Variants in PLCH2 observed in about 807,000 individuals in gnomAD.
PLCH2 encodes 1-phosphatidylinositol 4,5-bisphosphate phosphodiesterase eta-2.
In PLCH2, 98 loss-of-function variants were observed where a neutral mutation model predicts 134.7. The ratio of observed to expected loss-of-function variants is 0.73; its 90% CI spans 0.62 to 0.86. The LOEUF is 0.86. PLCH2 is among the 40% of genes least tolerant of loss of function. The probability of loss-of-function intolerance (pLI) is 0.00; values close to 1 mark genes in which losing one functional copy is unlikely to be tolerated. For missense variants in PLCH2, 1,994 were observed against 1,986.6 expected, an observed-to-expected ratio of 1.00 and a Z score of -0.07; for synonymous variants, 974 against 827.5, an observed-to-expected ratio of 1.18 and a Z score of -3.04.
chr1:2,423,294 C>T (rs1453152298), upstream of PLCH2, among the ~76,000 whole-genome samples: 1 of 152,090 alleles, frequency 6.6e-6, no homozygotes, highest in African/African-American at 2.4e-5. Flanking sequence ...CTGAAGCAAT[C>T]CTCCTGCCTC....
chr1:2,466,942 G>A (rs1023633349), upstream of PLCH2, among the ~76,000 whole-genome samples: 10 of 152,134 alleles, frequency 6.6e-5, no homozygotes, highest in Non-Finnish European at 1.3e-4. Context: ...GCTGGAACTC[G>A]GCCTCCCCCA....
At chr1:2,419,998 C>T in the PLCH2 span, among the ~76,000 whole-genome samples, 1 of 145,096 alleles carries the variant, frequency 6.9e-6, no homozygotes, top group African/African-American at 2.5e-5. Context: ...TTTGTGCGCT[C>T]CCCCCACTAC....
chr1:2,428,200 G>A (rs999249775), intron 1 of PLCH2, among the ~76,000 whole-genome samples: 7 of 152,248 alleles, frequency 4.6e-5, no homozygotes, highest in Admixed American at 2.0e-4. Flanking sequence ...GGTCTGAGCA[G>A]AGGCTGAAGG....
chr1:2,423,405 C>T (rs1331989888), upstream of PLCH2, among the ~76,000 whole-genome samples: 1 of 152,166 alleles, frequency 6.6e-6, no homozygotes, highest in East Asian at 1.9e-4. Context: ...GTTCTTGTTA[C>T]AAGGCCACCA....
chr1:2,502,480 C>CG, intron 21 of PLCH2, 71 bp downstream of exon 21: 1 of 1,438,450 alleles, frequency 7.0e-7, no homozygotes, highest in Non-Finnish European at 9.5e-7. Flanking sequence ...TGGACGGCCC[C>CG]GGGCCTGCTG....
chr1:2,447,514 G>C (rs1009256456), intron 2 of PLCH2, among the ~76,000 whole-genome samples: 1 of 152,218 alleles, frequency 6.6e-6, no homozygotes, highest in Non-Finnish European at 1.5e-5. Flanking sequence ...ACCAGGGGAG[G>C]CCCCGTGTTG....
At chr1:2,435,664 C>A (rs1363002314) in intron 2 of PLCH2, among the ~76,000 whole-genome samples, 1 of 152,016 alleles carries the variant, frequency 6.6e-6, no homozygotes, top group Non-Finnish European at 1.5e-5. Context: ...GCACGCCTGG[C>A]CTGTTGTGAT....
chr1:2,496,310 C>T (rs767534555), intron 13 of PLCH2, among the ~76,000 whole-genome samples: 2 of 152,226 alleles, frequency 1.3e-5, no homozygotes, highest in Non-Finnish European at 2.9e-5. Context: ...GCCCAGCTCT[C>T]CCCTGCTCAG....
chr1:2,415,945 A>G, the PLCH2 span, among the ~76,000 whole-genome samples: 1 of 152,036 alleles, frequency 6.6e-6, no homozygotes, highest in African/African-American at 2.4e-5. Context: ...CCTCCGCTAA[A>G]CCCAGTTCCG....
chr1:2,450,401 C>T (rs979767002), intron 2 of PLCH2, among the ~76,000 whole-genome samples: 11 of 151,966 alleles, frequency 7.2e-5, no homozygotes, highest in South Asian at 2.1e-4. Context: ...TGGGCTGGGC[C>T]GTCTGGGATG....
chr1:2,454,280 A>C (rs1206636525), intron 2 of PLCH2, among the ~76,000 whole-genome samples: 1 of 152,068 alleles, frequency 6.6e-6, no homozygotes, highest in Non-Finnish European at 1.5e-5. Context: ...TGCCCCGCCC[A>C]CCATGCCCGA....
At chr1:2,416,998 T>C in the PLCH2 span, among the ~76,000 whole-genome samples, 1 of 151,536 alleles carries the variant, frequency 6.6e-6, no homozygotes, top group Non-Finnish European at 1.5e-5. Flanking sequence ...GAAAGAGAAA[T>C]GGGGAGGGGT....
chr1:2,460,812 C>T (rs577917846), intron 2 of PLCH2, among the ~76,000 whole-genome samples: 5 of 152,254 alleles, frequency 3.3e-5, no homozygotes, highest in African/African-American at 9.6e-5. Context: ...CGTGACTGAC[C>T]GTGTGGACTT....
rs1379023381 is a variant in PLCH2 at position 2,498,506 on chromosome 1, C to G, written c.2225-17C>G. 1 of 1,601,752 alleles carries G rather than the reference C, an allele frequency of 6.2e-7. No homozygotes were observed. The highest frequency in any genetic ancestry group is 1.7e-5 in the Admixed American group (1 of 59,432). ...CTGAGGGCTGGGCCACTGACCACCTCCCCGGCATCCCCTCAGGCGTGTTCA... is the reference window on the plus strand; with the variant it reads ...CTGAGGGCTGGGCCACTGACCACCTGCCCGGCATCCCCTCAGGCGTGTTCA... On this transcript the variant is annotated splice_polypyrimidine_tract_variant and intron_variant, in intron 16 of 21. Coordinates refer to ENST00000378486, the MANE Select transcript of PLCH2 (RefSeq NM_014638.4). The surrounding 1 kb of genome is among the most constrained non-coding windows in gnomAD (Gnocchi z 5.4).
upstream of PLCH2, among the ~76,000 whole-genome samples, chr1:2,463,701 A>AG (rs1640930483): frequency 6.6e-6 from 1 of 152,050 alleles, no homozygotes; most frequent in African/African-American, 2.4e-5. Context: ...GTGGCCACCC[A>AG]GGGGGATATC....
At chr1:2,503,127 G>A (rs1643331484) in intron 21 of PLCH2, 1 of 673,518 alleles carries the variant, frequency 1.5e-6, no homozygotes. Flanking sequence ...TGGGACTTGG[G>A]TGGAGCTGGT....
intron 4 of PLCH2, among the ~76,000 whole-genome samples, chr1:2,484,167 A>G (rs1642169468): frequency 6.6e-6 from 1 of 151,836 alleles, no homozygotes; most frequent in African/African-American, 2.4e-5. Flanking sequence ...GGGTAGTGTT[A>G]ACTGCTGTGT....
At chr1:2,418,991 C>T in the PLCH2 span, among the ~76,000 whole-genome samples, 1 of 152,242 alleles carries the variant, frequency 6.6e-6, no homozygotes, top group Non-Finnish European at 1.5e-5. Context: ...AGGACCTGCT[C>T]ACCTCCCCAT....
At position 2,504,310 on chromosome 1, in the gene PLCH2, A is replaced by G. The variant is rs190777470; in HGVS notation, c.3348A>G (p.Pro1116=). ...GGWRPLAAPF[P]APAVYSDATG... is the part of the protein sequence containing the mutation. ...GGCGGCCCCTGGCCGCTCCCTTTCC[A>G]GCTCCTGCCGTGTACTCCGATGCCA... The change falls in exon 22 of 22, where the codon CCA becomes CCG. Residue 1116 remains proline (P), a synonymous_variant. Transcript: ENST00000378486. 5.7e-4 allele frequency: 919 copies of G among 1,605,104 alleles called. 1 individual carries two copies. The highest frequency in any genetic ancestry group is 7.1e-4 in the Admixed American group (42 of 59,004).
Sources: allele counts gnomAD v4.1 joint callset (sites outside exome capture counted in the v4.1 genomes callset), GRCh38; gene constraint gnomAD v4.1.1; non-coding constraint Gnocchi (gnomAD v3.1); transcripts MANE v1.5; gene names NCBI Gene and HGNC (gene_info 2026-07-23, HGNC 2026-07-21).